Variants in MSANTD2 observed in about 807,000 individuals in gnomAD.
MSANTD2 encodes Myb/SANT DNA binding domain containing 2.
Under a neutral mutation model 52.6 loss-of-function variants are expected in MSANTD2, and 19 were observed. The observed-to-expected ratio is 0.36, with a 90% confidence interval of 0.25 to 0.53. MSANTD2 has a LOEUF of 0.53. Among genes scored for constraint, MSANTD2 ranks in the 20% least tolerant of loss-of-function variants. MSANTD2 has a pLI of 0.91. For synonymous variants in MSANTD2, 291 were observed against 289.7 expected (o/e 1.00, Z -0.04); for missense variants, 558 against 716.3 (o/e 0.78, Z 2.52).
intron 2 of MSANTD2, 47 bp from the exon 3 acceptor site, chr11:124,773,101 G>T: frequency 9.0e-7 from 1 of 1,105,232 alleles, no homozygotes. Context: ...CTAAGTGGTG[G>T]CATGCATGTA....
At chr11:124,785,453 A>T (rs143022103) in intron 1 of MSANTD2, among the ~76,000 whole-genome samples, 2 of 152,274 alleles carry the variant, frequency 1.3e-5, no homozygotes, top group Admixed American at 6.5e-5. Flanking sequence ...AAGTTAAAGT[A>T]GAGTTGCAAC....
At chr11:124,772,855 T>TAAATCTA in intron 3 of MSANTD2, 139 bp downstream of exon 3, 1 of 646,828 alleles carries the variant, frequency 1.5e-6, no homozygotes, top group Non-Finnish European at 2.8e-6. Context: ...AGTCCCTGAT[T>TAAATCTA]AAATCTAAAG....
Position 124,784,472 on chromosome 11 carries a change from T to TA in MSANTD2, c.511-9499dup, listed in dbSNP as rs908365612. The TA allele has an allele frequency of 3.4e-6, 3 of 893,382 alleles. No individual in the cohort carries two copies. In the African/African-American group the frequency reaches 1.1e-4, roughly 33 times the overall value. 55.3% of individuals were successfully genotyped at this position (893,382 alleles called of 1,614,324 possible). On this transcript the variant is annotated intron_variant, in intron 1 of 3. Coordinates refer to ENST00000374979, the MANE Select transcript of MSANTD2 (RefSeq NM_001308027.2). ...TAATTATTCCATGGACAACCATGTCTAAAAATTAAACCCCCCCCCCGCCAC... is the reference window on the plus strand; with the variant it reads ...TAATTATTCCATGGACAACCATGTCTAAAAAATTAAACCCCCCCCCCGCCAC...
intron 1 of MSANTD2, chr11:124,791,758 C>T: frequency 7.6e-6 from 5 of 662,124 alleles, no homozygotes; most frequent in Non-Finnish European, 2.7e-6. Flanking sequence ...CCAATGCTGA[C>T]AAGCACTGGG....
chr11:124,793,752 T>C (rs1350183257), intron 1 of MSANTD2, among the ~76,000 whole-genome samples: 1 of 152,046 alleles, frequency 6.6e-6, no homozygotes, highest in African/African-American at 2.4e-5. Context: ...GAGTTGAAGT[T>C]ATAAGACTTT....
At chr11:124,783,900 T>TA (rs1945070620) in intron 1 of MSANTD2, 2 of 985,382 alleles carry the variant, frequency 2.0e-6, no homozygotes, top group South Asian at 9.4e-5. Flanking sequence ...TGGACACTCA[T>TA]ACAATGATCT....
intron 1 of MSANTD2, chr11:124,790,095 T>C (rs1945284202): frequency 6.6e-6 from 1 of 152,270 alleles, no homozygotes; most frequent in Non-Finnish European, 1.5e-5. Flanking sequence ...CTGCTGGTTC[T>C]ACGTTAACGT....
chr11:124,772,704 A>T (rs7112807), intron 3 of MSANTD2, among the ~76,000 whole-genome samples: 48,448 of 142,684 alleles, frequency 0.34, 12,073 homozygotes, highest in African/African-American at 0.71. Flanking sequence ...ACCACTGCAC[A>T]CCAGCCTGGG....
chr11:124,796,479 C>CTGGA (rs1945497765), intron 1 of MSANTD2, among the ~76,000 whole-genome samples: 1 of 152,072 alleles, frequency 6.6e-6, no homozygotes, highest in African/African-American at 2.4e-5. Flanking sequence ...GTTGCCCAAG[C>CTGGA]TGGAGTACAG....
At chr11:124,791,175 C>A in intron 1 of MSANTD2, 1 of 1,003,656 alleles carries the variant, frequency 1.0e-6, no homozygotes, top group South Asian at 1.4e-5. Flanking sequence ...GAGCTGGTTT[C>A]AGGTTGGAAG....
In MSANTD2 at chr11:124,800,296, C is replaced by T; in HGVS notation, c.85G>A (p.Gly29Ser). 2 of 1,567,790 alleles carry T rather than the reference C, an allele frequency of 1.3e-6. No homozygotes were observed. Among genetic ancestry groups the T allele is most frequent in the Non-Finnish European group, 1.7e-6 (2 of 1,159,584 alleles). The change falls in exon 1 of 4, where the codon GGT (glycine) becomes AGT (serine). Residue 29 changes from glycine to serine, a missense_variant. Gly to Ser is a moderately conservative substitution (Grantham distance 56). Transcript: ENST00000374979. The surrounding 1 kb of genome is among the most constrained non-coding windows in gnomAD (Gnocchi z 4.3). ...GATGGATTTCCGTCGCTCAGGCCAC[C>T]AGGAGAAGCCGGGGAAAGCACCTCC... Reference protein sequence around the residue: ...KMEVLSPASPGGLSDGNPSLS... With the variant: ...KMEVLSPASPSGLSDGNPSLS...
Position 124,767,510 on chromosome 11 carries a change from T to C in MSANTD2, c.1346A>G (p.Glu449Gly). 6.2e-7 allele frequency: 1 copy of C among 1,614,160 alleles called. No homozygotes were observed. Among genetic ancestry groups the C allele is most frequent in the Non-Finnish European group, 8.5e-7 (1 of 1,180,006 alleles). The change falls in exon 4 of 4, where the codon GAG (glutamate) becomes GGG (glycine). Residue 449 changes from glutamate to glycine, a missense_variant. Glu to Gly is a moderately conservative substitution (Grantham distance 98, BLOSUM62 -2). This residue lies in a region of MSANTD2 where 408 missense variants were observed against 573.6 expected (regional missense o/e 0.71). Transcript: ENST00000374979. The surrounding 1 kb of genome is among the most constrained non-coding windows in gnomAD (Gnocchi z 6.5). ...AAGGGTTTCCAGGTCAACCCGGCCC[T>C]CTTTTCCTGGGTCCAGGGAACTTTG... ...MEQSSLDPGK[E>G]GRVDLETLSA...
intron 1 of MSANTD2, among the ~76,000 whole-genome samples, chr11:124,780,325 C>T (rs1304063356): frequency 1.3e-5 from 2 of 152,160 alleles, no homozygotes; most frequent in African/African-American, 4.8e-5. Context: ...GTTTTCTGTT[C>T]ATTGACATCT....
At chr11:124,772,383 A>G (rs1944558266) in intron 3 of MSANTD2, among the ~76,000 whole-genome samples, 1 of 152,216 alleles carries the variant, frequency 6.6e-6, no homozygotes, top group African/African-American at 2.4e-5. Context: ...TATTTCTTCT[A>G]TACAAAATTC....
intron 3 of MSANTD2, among the ~76,000 whole-genome samples, chr11:124,770,957 C>T (rs1944497893): frequency 6.6e-6 from 1 of 152,116 alleles, no homozygotes; most frequent in Non-Finnish European, 1.5e-5. Context: ...TGGGCTTGAA[C>T]TCCTGACCTC....
At position 124,769,285 on chromosome 11, in the gene MSANTD2, T is replaced by C. The variant is rs1235741991; in HGVS notation, c.828-1257A>G. Among the ~76,000 whole-genome samples the C allele has an allele frequency of 2.0e-5, 3 of 152,234 alleles. No homozygotes were observed. In the East Asian group the frequency reaches 5.8e-4, roughly 29 times the overall value. On this transcript the variant is annotated intron_variant, in intron 3 of 3. Coordinates refer to ENST00000374979, the MANE Select transcript of MSANTD2 (RefSeq NM_001308027.2). ...GAATTAATATTTTGTTATCAGCTGCTTCTTGGAGCTAAGACTGCCCTGAAT... is the reference window on the plus strand; with the variant it reads ...GAATTAATATTTTGTTATCAGCTGCCTCTTGGAGCTAAGACTGCCCTGAAT...
intron 1 of MSANTD2, chr11:124,790,096 A>G (rs1314744126): frequency 6.6e-6 from 1 of 152,262 alleles, no homozygotes; most frequent in Non-Finnish European, 1.5e-5. Flanking sequence ...TGCTGGTTCT[A>G]CGTTAACGTA....
intron 1 of MSANTD2, among the ~76,000 whole-genome samples, chr11:124,788,806 T>G (rs191350019): frequency 2.0e-5 from 3 of 152,324 alleles, no homozygotes; most frequent in Non-Finnish European, 4.4e-5. Context: ...TATAAAATCA[T>G]GTAAATCATT....
At chr11:124,798,911 C>T (rs934329963) in intron 1 of MSANTD2, among the ~76,000 whole-genome samples, 1 of 152,138 alleles carries the variant, frequency 6.6e-6, no homozygotes, top group Non-Finnish European at 1.5e-5. Flanking sequence ...GCAGCCACTA[C>T]GATGAGGAAA....
Sources: gnomAD v4.1 joint callset for allele counts (sites outside exome capture counted in the v4.1 genomes callset) on GRCh38, gnomAD v4.1.1 for gene constraint, gnomAD v4.1.1 regional missense constraint, Gnocchi (gnomAD v3.1) non-coding constraint, MANE v1.5 for transcripts, NCBI Gene and HGNC (gene_info 2026-07-23, HGNC 2026-07-21) for gene names.